DTNB: variants seen among roughly 807,000 people sequenced by gnomAD.
The protein encoded by DTNB is DTN-B.
A neutral mutation model predicts 90.7 loss-of-function variants in DTNB; 63 were observed. The observed-to-expected ratio is 0.69, with a 90% confidence interval of 0.57 to 0.86. DTNB has a LOEUF of 0.86. Among genes scored for constraint, DTNB ranks in the 40% least tolerant of loss-of-function variants. The pLI, the probability that DTNB is intolerant of heterozygous loss-of-function variation, is 0.00. For synonymous variants in DTNB, 277 were observed against 286.7 expected (o/e 0.97, Z 0.34); for missense variants, 744 against 807.1 (o/e 0.92, Z 0.95).
chr2:25,632,396 T>C (rs989327840), intron 3 of DTNB, among the ~76,000 whole-genome samples: 8 of 152,186 alleles, frequency 5.3e-5, no homozygotes, highest in Admixed American at 5.2e-4. Flanking sequence ...TTTCTTAATC[T>C]GATTAAGGTT....
chr2:25,596,532 T>A (rs143872075), intron 5 of DTNB: 121 of 186,964 alleles, frequency 6.5e-4, no homozygotes, highest in African/African-American at 2.6e-3. Context: ...ATATAACTTT[T>A]ATTTATTTAT....
In DTNB at chr2:25,639,039, T is replaced by C. The variant is rs372661171; in HGVS notation, c.123A>G (p.Leu41=). Residue 41 remains leucine, a synonymous_variant, in exon 3 of 21, where the codon TTA becomes TTG. Transcript: ENST00000406818. ...GGTTGCATCGTTTTTGTACAAATCG[T>C]AATTTGCAGGCTGTTCTGTAAGTTG... is the stretch of plus-strand genomic sequence containing the variant. ...RLSTYRTACK[L]RFVQKRCNLH... The C allele has an allele frequency of 6.3e-6, 10 of 1,593,706 alleles. No homozygotes were observed. The African/African-American group carries it at 1.2e-4, about 19-fold the overall frequency.
At chr2:25,577,973 C>G (rs2060963856) in intron 7 of DTNB, among the ~76,000 whole-genome samples, 1 of 152,012 alleles carries the variant, frequency 6.6e-6, no homozygotes, top group African/African-American at 2.4e-5. Flanking sequence ...GCACTCCAGC[C>G]TGGGCAACAA....
In DTNB at chr2:25,387,402, G is replaced by C; in HGVS notation, c.1736-24C>G. The C allele has an allele frequency of 6.2e-7, 1 of 1,605,192 alleles. No individual in the cohort carries two copies. The highest frequency in any genetic ancestry group is 8.5e-7 in the Non-Finnish European group (1 of 1,173,448). Reference sequence around the variant, plus strand: ...ACCTGAGGAGAGGCAGAGCAGATGGGGATGCCAGGGTGGGTGAGCGTGGAG... The same window carrying C: ...ACCTGAGGAGAGGCAGAGCAGATGGCGATGCCAGGGTGGGTGAGCGTGGAG... On this transcript the variant is annotated intron_variant, in intron 17 of 20. Transcript: ENST00000406818. The surrounding 1 kb of genome is among the most constrained non-coding windows in gnomAD (Gnocchi z 4.5).
intron 3 of DTNB, among the ~76,000 whole-genome samples, chr2:25,629,912 C>T (rs1323445640): frequency 6.6e-6 from 1 of 152,090 alleles, no homozygotes; most frequent in Non-Finnish European, 1.5e-5. Flanking sequence ...TTTTAAAAGT[C>T]TGTGTTTCAA....
At chr2:25,454,092 G>T (rs2059655650) in intron 11 of DTNB, among the ~76,000 whole-genome samples, 1 of 151,626 alleles carries the variant, frequency 6.6e-6, no homozygotes, top group Admixed American at 6.6e-5. Flanking sequence ...AGAGCTTGCA[G>T]TGAGCTGAGA....
intron 7 of DTNB, among the ~76,000 whole-genome samples, chr2:25,578,160 C>T (rs144872494): frequency 5.3e-5 from 8 of 152,076 alleles, no homozygotes; most frequent in African/African-American, 1.9e-4. Flanking sequence ...TGAATCAAGA[C>T]TCAAAAAAAA....
intron 10 of DTNB, among the ~76,000 whole-genome samples, chr2:25,458,758 C>T (rs773348365): frequency 2.3e-4 from 35 of 152,198 alleles, no homozygotes; most frequent in Admixed American, 5.2e-4. Flanking sequence ...CATTCTCCTG[C>T]CTCAGCCTCC....
chr2:25,519,382 T>C (rs2075738550), intron 9 of DTNB, among the ~76,000 whole-genome samples: 1 of 151,506 alleles, frequency 6.6e-6, no homozygotes, highest in Non-Finnish European at 1.5e-5. Context: ...TTTTTTTTTT[T>C]TTTTTACTTT....
chr2:25,560,153 G>T (rs1202355224), intron 8 of DTNB, among the ~76,000 whole-genome samples: 3 of 152,246 alleles, frequency 2.0e-5, no homozygotes, highest in Non-Finnish European at 4.4e-5. Context: ...GGAGGCTGAG[G>T]CAAGAGAATA....
At chr2:25,461,769 C>A (rs536463830) in intron 10 of DTNB, among the ~76,000 whole-genome samples, 3 of 152,166 alleles carry the variant, frequency 2.0e-5, no homozygotes, top group African/African-American at 7.2e-5. Context: ...AATGACCACA[C>A]CAATAAACGT....
intron 2 of DTNB, among the ~76,000 whole-genome samples, chr2:25,645,203 C>T (rs2079148390): frequency 8.2e-6 from 1 of 121,860 alleles, no homozygotes; most frequent in Admixed American, 8.2e-5. Context: ...GCCAACTGGG[C>T]AAAACCCCGT....
rs970172858 is a variant in DTNB, at chr2:25,448,275, T to C, written c.1257+3273A>G. Among the ~76,000 whole-genome samples the C allele has an allele frequency of 2.0e-5, 3 of 152,226 alleles. No individual in the cohort carries two copies. In the East Asian group the frequency reaches 5.8e-4, roughly 29 times the overall value. The stretch of plus-strand genomic sequence containing the variant: ...GGCAGGAATCATTTGTCCACCATAG[T>C]ATCCAATCTGGCACAGTACAGCAAC... On this transcript the variant is annotated intron_variant, in intron 12 of 20. Coordinates refer to ENST00000406818, the MANE Select transcript of DTNB (RefSeq NM_021907.5).
chr2:25,456,716 G>A (rs1040199825), intron 10 of DTNB, among the ~76,000 whole-genome samples: 3 of 151,970 alleles, frequency 2.0e-5, no homozygotes, highest in African/African-American at 7.3e-5. Context: ...GGGATTACAG[G>A]CGTGCACCAC....
At chr2:25,551,884 T>C (rs905428329) in intron 8 of DTNB, among the ~76,000 whole-genome samples, 3 of 152,372 alleles carry the variant, frequency 2.0e-5, no homozygotes, top group East Asian at 1.9e-4. Context: ...ATAATAGTAA[T>C]GTACTAAGGA....
chr2:25,663,918 C>T (rs2083785833), intron 1 of DTNB, among the ~76,000 whole-genome samples: 2 of 152,078 alleles, frequency 1.3e-5, no homozygotes, highest in Non-Finnish European at 2.9e-5. Flanking sequence ...TCTTTTATTC[C>T]TAAACCTCAA....
intron 8 of DTNB, among the ~76,000 whole-genome samples, chr2:25,573,803 T>C (rs2060244988): frequency 6.6e-6 from 1 of 152,114 alleles, no homozygotes; most frequent in Admixed American, 6.5e-5. Context: ...ATAACACACA[T>C]CTTAAGATTT....
At chr2:25,610,173 T>C (rs1410887159) in intron 4 of DTNB, among the ~76,000 whole-genome samples, 1 of 152,168 alleles carries the variant, frequency 6.6e-6, no homozygotes, top group Non-Finnish European at 1.5e-5. Flanking sequence ...TACAGTGGCG[T>C]GATCACAGCA....
intron 16 of DTNB, among the ~76,000 whole-genome samples, chr2:25,397,549 A>G (rs1356951887): frequency 6.6e-6 from 1 of 152,158 alleles, no homozygotes; most frequent in Non-Finnish European, 1.5e-5. Context: ...CAGTTCAGAC[A>G]GCGTAGGAAC....
Sources: allele counts gnomAD v4.1 joint callset (sites outside exome capture counted in the v4.1 genomes callset), GRCh38; gene constraint gnomAD v4.1.1; non-coding constraint Gnocchi (gnomAD v3.1); transcripts MANE v1.5; gene names NCBI Gene and HGNC (gene_info 2026-07-23, HGNC 2026-07-21).